Variants in ITGB2 observed in about 807,000 individuals in gnomAD.
ITGB2 encodes the protein integrin subunit beta 2, also known as integrin beta-2.
In ITGB2, 56 loss-of-function variants were observed where a neutral mutation model predicts 86.8. The ratio of observed to expected loss-of-function variants is 0.65; its 90% CI spans 0.52 to 0.81. The LOEUF (loss-of-function observed/expected upper bound fraction) is 0.81, where lower values mean the gene tolerates loss of function less well. ITGB2 is among the 30% of genes least tolerant of loss of function. The pLI is 0.00. For synonymous variants in ITGB2, 457 were observed against 450.4 expected, an observed-to-expected ratio of 1.01 and a Z score of -0.19; for missense variants, 948 against 1,061.2, an observed-to-expected ratio of 0.89 and a Z score of 1.48.
intron 4 of ITGB2, among the ~76,000 whole-genome samples, chr21:44,903,872 G>A (rs1349417139): frequency 1.3e-5 from 2 of 152,236 alleles, no homozygotes; most frequent in African/African-American, 2.4e-5. Context: ...CACCTAACCC[G>A]GCCCCATGCC....
At chr21:44,922,238 C>T (rs2084315774), upstream of ITGB2, among the ~76,000 whole-genome samples, 1 of 152,116 alleles carries the variant, frequency 6.6e-6, no homozygotes. Flanking sequence ...ATTGCCGTTC[C>T]ATCCTATCTG....
rs1236717812 is a variant in ITGB2, at chr21:44,886,209, A to C, written c.*159T>G. On this transcript the variant is annotated 3_prime_UTR_variant, in exon 16 of 16. Transcript: ENST00000652462. The stretch of plus-strand genomic sequence containing the variant: ...GGAGCTGTCCCCCCGACGAGCCCCC[A>C]GAAGCACCCGGCCGGCCATGGCTGT... 2.8e-6 allele frequency: 2 copies of C among 718,772 alleles called. No individual in the cohort carries two copies. Among genetic ancestry groups the C allele is most frequent in the East Asian group, 2.7e-5 (1 of 37,098 alleles). The allele number at this position is 718,772 out of a possible 1,614,324, so 44.5% of individuals were successfully genotyped here. A position where few individuals can be genotyped will look rare whatever the true frequency, so the allele number is the denominator to read the frequency against.
chr21:44,886,122 A>G lies in ITGB2; in HGVS notation c.*246T>C. ...GACTTGCACAGGAAACACGCACCTAACCTCACCAACCTCAAGCCCTCCCTC... is the reference window on the plus strand; with the variant it reads ...GACTTGCACAGGAAACACGCACCTAGCCTCACCAACCTCAAGCCCTCCCTC... On this transcript the variant is annotated 3_prime_UTR_variant, in exon 16 of 16. Coordinates refer to ENST00000652462, the MANE Select transcript of ITGB2 (RefSeq NM_000211.5). 1 of 579,428 alleles carries G rather than the reference A, an allele frequency of 1.7e-6. No homozygotes were observed. The highest frequency in any genetic ancestry group is 2.0e-5 in the South Asian group (1 of 50,990). 35.9% of individuals were successfully genotyped at this position (579,428 alleles called of 1,614,324 possible).
chr21:44,897,559 G>A (rs1253808377), intron 8 of ITGB2, among the ~76,000 whole-genome samples: 2 of 152,308 alleles, frequency 1.3e-5, no homozygotes, highest in South Asian at 2.1e-4. Flanking sequence ...TACCCACGAC[G>A]CACTGCCCGC....
At chr21:44,910,443 A>G in intron 2 of ITGB2, 71 bp from the exon 3 acceptor site, 1 of 1,608,902 alleles carries the variant, frequency 6.2e-7, no homozygotes, top group African/African-American at 1.3e-5. Flanking sequence ...GGAGTAGAGC[A>G]GGAAGGTCAG....
chr21:44,889,861 G>A (rs1048788828), intron 12 of ITGB2, 117 bp downstream of exon 12: 1 of 1,452,710 alleles, frequency 6.9e-7, no homozygotes, highest in Non-Finnish European at 9.5e-7. Context: ...GACTTGCACT[G>A]TCTGTCCTCA....
At chr21:44,902,346 T>C (rs531934132) in intron 5 of ITGB2, among the ~76,000 whole-genome samples, 1 of 150,540 alleles carries the variant, frequency 6.6e-6, no homozygotes, top group East Asian at 1.9e-4. Context: ...TGCATTCATG[T>C]GTGTGAGCAT....
intron 2 of ITGB2, 165 bp downstream of exon 2, chr21:44,910,560 C>T: frequency 7.1e-7 from 1 of 1,404,402 alleles, no homozygotes; most frequent in Non-Finnish European, 9.9e-7. Flanking sequence ...GCTACAGCCT[C>T]CTGGCACGTG....
chr21:44,889,121 A>ACGGC, intron 13 of ITGB2, 155 bp downstream of exon 13: 1 of 753,372 alleles, frequency 1.3e-6, no homozygotes, highest in Non-Finnish European at 2.2e-6. Flanking sequence ...ACACAGGGGC[A>ACGGC]CGGCGGCCGC....
Position 44,901,519 on chromosome 21 carries a change from G to C in ITGB2, c.714C>G (p.Asp238Glu). ...GGCAGGCGGCGACCTGCATCATGGC[G>C]TCCAGCCCACCCTCGGGTGCATCCA... The part of the protein sequence containing the change: ...GNLDAPEGGL[D>E]AMMQVAACPE... The change falls in exon 6 of 16, where the codon GAC becomes GAG. Residue 238 changes from aspartate (D) to glutamate (E), a missense_variant. Asp to Glu is a conservative substitution (Grantham distance 45). Transcript: ENST00000652462. 1.2e-6 allele frequency: 2 copies of C among 1,614,198 alleles called. No individual in the cohort carries two copies. The highest frequency in any genetic ancestry group is 1.7e-6 in the Non-Finnish European group (2 of 1,180,032).
At chr21:44,910,233 G>A (rs773649881) in intron 3 of ITGB2, 51 bp downstream of exon 3, 24 of 1,598,364 alleles carry the variant, frequency 1.5e-5, no homozygotes, top group Middle Eastern at 3.5e-4. Context: ...GGCAGGAAAG[G>A]GCCCTCACCC....
intron 1 of ITGB2, among the ~76,000 whole-genome samples, chr21:44,926,120 A>G (rs2084369972): frequency 1.3e-5 from 2 of 149,592 alleles, no homozygotes; most frequent in African/African-American, 2.5e-5. Flanking sequence ...ATATATATAC[A>G]ATAAATAAAT....
At chr21:44,896,030 C>T (rs1384506168) in intron 8 of ITGB2, among the ~76,000 whole-genome samples, 1 of 151,918 alleles carries the variant, frequency 6.6e-6, no homozygotes, top group Non-Finnish European at 1.5e-5. Context: ...GTGATCCCGC[C>T]TGCGGTGTGA....
At chr21:44,905,186 G>C (rs927472167) in intron 4 of ITGB2, among the ~76,000 whole-genome samples, 5 of 152,158 alleles carry the variant, frequency 3.3e-5, no homozygotes, top group African/African-American at 1.2e-4. Flanking sequence ...GGGCCAGCAG[G>C]CTGCGGGGGT....
intron 11 of ITGB2, among the ~76,000 whole-genome samples, chr21:44,890,518 T>G (rs1334804313): frequency 6.6e-6 from 1 of 152,158 alleles, no homozygotes; most frequent in Admixed American, 6.5e-5. Flanking sequence ...ACATGGCCTG[T>G]GCTGCGATAC....
intron 1 of ITGB2, among the ~76,000 whole-genome samples, chr21:44,917,034 A>G (rs2146559423): frequency 1.3e-5 from 2 of 152,372 alleles, no homozygotes; most frequent in Middle Eastern, 6.8e-3. Context: ...ATTAATAACA[A>G]AAAGGTAAAT....
intron 4 of ITGB2, among the ~76,000 whole-genome samples, chr21:44,903,750 C>T (rs1340117706): frequency 6.6e-6 from 1 of 152,126 alleles, no homozygotes; most frequent in African/African-American, 2.4e-5. Context: ...GACTCCCGGA[C>T]GCAGGCATGT....
At chr21:44,899,219 AC>A (rs2083912054) in intron 7 of ITGB2, 57 bp from the exon 8 acceptor site, 3 of 1,296,114 alleles carry the variant, frequency 2.3e-6, no homozygotes, top group Non-Finnish European at 3.3e-6. Flanking sequence ...GCTTCCAGGT[AC>A]CCGCCCCTGT....
At chr21:44,923,087 T>C (rs1277652831), upstream of ITGB2, 3 of 151,860 alleles carry the variant, frequency 2.0e-5, no homozygotes, top group African/African-American at 7.3e-5. Flanking sequence ...TCAAGAAAAA[T>C]AGAAAGAACA....
Sources: allele counts gnomAD v4.1 joint callset (sites outside exome capture counted in the v4.1 genomes callset), GRCh38; gene constraint gnomAD v4.1.1; transcripts MANE v1.5; gene names NCBI Gene and HGNC (gene_info 2026-07-23, HGNC 2026-07-21).